PIGN: variants seen among roughly 807,000 people sequenced by gnomAD.
PIGN encodes the protein GPI ethanolamine phosphate transferase 1.
In PIGN, 117 loss-of-function variants were observed where a neutral mutation model predicts 125.4. That is an observed-to-expected ratio of 0.93 (90% confidence interval 0.80 to 1.09). The LOEUF is 1.09. PIGN is among the 50% of genes least tolerant of loss of function. PIGN has a pLI of 0.00. For synonymous variants in PIGN, 392 were observed against 377.8 expected, an observed-to-expected ratio of 1.04 and a Z score of -0.44; for missense variants, 1,075 against 1,094.9, an observed-to-expected ratio of 0.98 and a Z score of 0.26.
chr18:62,076,320 G>C (rs544098764), intron 28 of PIGN, among the ~76,000 whole-genome samples: 1 of 152,104 alleles, frequency 6.6e-6, no homozygotes, highest in Non-Finnish European at 1.5e-5. Flanking sequence ...ATCTTCTTCA[G>C]GTGTTTTGCT....
chr18:62,076,213 A>G (rs971645843), intron 28 of PIGN, among the ~76,000 whole-genome samples: 2 of 152,154 alleles, frequency 1.3e-5, no homozygotes, highest in African/African-American at 4.8e-5. Flanking sequence ...GATTACAGGC[A>G]TGAGCCACCA....
chr18:62,146,796 A>T (rs917654542), intron 9 of PIGN, among the ~76,000 whole-genome samples, 175 bp downstream of exon 9: 21 of 152,158 alleles, frequency 1.4e-4, no homozygotes, highest in African/African-American at 5.1e-4. Context: ...AGTTAGAGAA[A>T]ATATTTTTTT....
chr18:62,185,759 T>G (rs1311500490), intron 1 of PIGN, among the ~76,000 whole-genome samples: 2 of 152,264 alleles, frequency 1.3e-5, no homozygotes, highest in African/African-American at 4.8e-5. Flanking sequence ...CTAATTGTAT[T>G]GACTGGAAAT....
intron 14 of PIGN, among the ~76,000 whole-genome samples, chr18:62,130,028 A>G (rs1213036796): frequency 6.6e-6 from 1 of 152,134 alleles, no homozygotes; most frequent in African/African-American, 2.4e-5. Context: ...GATGACAGAG[A>G]TAGAGAGTAG....
At chr18:62,047,954 C>A in intron 30 of PIGN, among the ~76,000 whole-genome samples, 1 of 151,708 alleles carries the variant, frequency 6.6e-6, no homozygotes, top group Admixed American at 6.6e-5. Flanking sequence ...GAAACAAACA[C>A]ACAAAAAAAC....
At chr18:62,116,203 C>T (rs1466348788) in intron 14 of PIGN, among the ~76,000 whole-genome samples, 1 of 152,162 alleles carries the variant, frequency 6.6e-6, no homozygotes, top group African/African-American at 2.4e-5. Flanking sequence ...TTCCCAGAAG[C>T]CTTAGTATAG....
At chr18:62,155,267 G>A (rs972752938) in intron 6 of PIGN, among the ~76,000 whole-genome samples, 2 of 152,040 alleles carry the variant, frequency 1.3e-5, no homozygotes, top group East Asian at 1.9e-4. Flanking sequence ...GGCTCTTGCA[G>A]GTAATAAGAA....
intron 23 of PIGN, among the ~76,000 whole-genome samples, chr18:62,033,300 T>A (rs999577645): frequency 6.6e-6 from 1 of 152,108 alleles, no homozygotes; most frequent in Non-Finnish European, 1.5e-5. Flanking sequence ...CTACATAAAA[T>A]CACTGGATTT....
At position 62,074,773 on chromosome 18, in the gene PIGN, C is replaced by T; in HGVS notation, c.2619+6G>A. ...AATTTATATGGACTACCCAGTAATG[C>T]CTTACCAAAGCCATAATGTCTGATA... On this transcript the variant is annotated splice_donor_region_variant and intron_variant, in intron 29 of 30. Coordinates refer to ENST00000640252, the MANE Select transcript of PIGN (RefSeq NM_176787.5). 1 of 1,589,884 alleles carries T rather than the reference C, an allele frequency of 6.3e-7. No homozygotes were observed. The highest frequency in any genetic ancestry group is 8.6e-7 in the Non-Finnish European group (1 of 1,159,734).
chr18:62,145,675 G>T (rs1339471066), intron 10 of PIGN, among the ~76,000 whole-genome samples: 2 of 152,004 alleles, frequency 1.3e-5, no homozygotes, highest in Non-Finnish European at 2.9e-5. Flanking sequence ...TATCAGTTTA[G>T]ACATTCAGAA....
intron 30 of PIGN, among the ~76,000 whole-genome samples, chr18:62,050,690 A>G (rs1434102180): frequency 6.6e-6 from 1 of 152,064 alleles, no homozygotes; most frequent in Non-Finnish European, 1.5e-5. Context: ...AATACCCTTT[A>G]CTTCCTTCTC....
At chr18:62,168,176 C>T (rs1469167289) in intron 1 of PIGN, among the ~76,000 whole-genome samples, 2 of 151,216 alleles carry the variant, frequency 1.3e-5, no homozygotes, top group South Asian at 2.1e-4. Flanking sequence ...AAAAGTGAAA[C>T]TCTGTCTCAA....
chr18:62,114,782 C>T (rs1247565408), intron 14 of PIGN, 143 bp from the exon 15 acceptor site: 3 of 483,188 alleles, frequency 6.2e-6, no homozygotes, highest in African/African-American at 2.0e-5. Context: ...ACCTGAATTG[C>T]TGTTTGTTCT....
Position 62,044,972 on chromosome 18 carries a change from T to C in PIGN, c.*884A>G, listed in dbSNP as rs146155310. 1.8e-4 allele frequency: 28 copies of C among 152,248 alleles called. No individual in the cohort carries two copies. The East Asian group carries it at 5.2e-3, about 28-fold the overall frequency. 9.4% of individuals were successfully genotyped at this position (152,248 alleles called of 1,614,324 possible). A position where few individuals can be genotyped will look rare whatever the true frequency, so the allele number is the denominator to read the frequency against. On this transcript the variant is annotated 3_prime_UTR_variant, in exon 31 of 31. Transcript: ENST00000640252. ...TCACAACCAGAAAGAATAACACCTT[T>C]AATATGAATTCTTATGATATTGTCA...
intron 23 of PIGN, among the ~76,000 whole-genome samples, chr18:62,092,056 A>G (rs1230044964): frequency 6.6e-6 from 1 of 152,218 alleles, no homozygotes; most frequent in Non-Finnish European, 1.5e-5. Flanking sequence ...AAATTATAAA[A>G]TTATAACACT....
At chr18:62,048,788 G>T (rs1214492762) in intron 30 of PIGN, among the ~76,000 whole-genome samples, 2 of 150,128 alleles carry the variant, frequency 1.3e-5, no homozygotes, top group African/African-American at 4.9e-5. Context: ...TGCCATGCTG[G>T]TGTGCTGCAC....
In PIGN at chr18:62,043,948, T is replaced by C. The variant is rs948056593; in HGVS notation, c.*1908A>G. 2 of 152,226 alleles carry C rather than the reference T, an allele frequency of 1.3e-5. No individual in the cohort carries two copies. The highest frequency in any genetic ancestry group is 4.8e-5 in the African/African-American group (2 of 41,460). The allele number at this position is 152,226 out of a possible 1,614,324, so 9.4% of individuals were successfully genotyped here. On this transcript the variant is annotated 3_prime_UTR_variant, in exon 31 of 31. Coordinates refer to ENST00000640252, the MANE Select transcript of PIGN (RefSeq NM_176787.5). ...CCCTAACTCGTTTCTTTTTTCTGTT[T>C]TGCAACATAAAAATATACATTTCAA... is the stretch of plus-strand genomic sequence containing the variant.
downstream of PIGN, among the ~76,000 whole-genome samples, chr18:62,039,076 A>C (rs2030299935): frequency 6.6e-6 from 1 of 152,016 alleles, no homozygotes; most frequent in Non-Finnish European, 1.5e-5. Context: ...AACTAGGGAG[A>C]AATAACGAAA....
At chr18:62,075,851 T>G (rs968235935) in intron 28 of PIGN, 7 of 152,376 alleles carry the variant, frequency 4.6e-5, no homozygotes, top group African/African-American at 1.7e-4. Context: ...CCTTACATCC[T>G]CAACAGCATT....
Sources: gnomAD v4.1 joint callset for allele counts (sites outside exome capture counted in the v4.1 genomes callset) on GRCh38, gnomAD v4.1.1 for gene constraint, MANE v1.5 for transcripts, NCBI Gene and HGNC (gene_info 2026-07-23, HGNC 2026-07-21) for gene names.